Variants in CELF4 observed in about 807,000 individuals in gnomAD.
CELF4 encodes the protein CUGBP Elav-like family member 4, also known as CUG-BP- and ETR-3-like factor 4.
CELF4 carries 18 observed loss-of-function variants against 59.9 expected under a neutral mutation model. The ratio of observed to expected loss-of-function variants is 0.30; its 90% CI spans 0.21 to 0.45. The LOEUF is 0.45. Among genes scored for constraint, CELF4 ranks in the 20% least tolerant of loss-of-function variants. CELF4 has a pLI of 1.00. For missense variants in CELF4, 456 were observed against 689.0 expected (o/e 0.66, Z 3.79); for synonymous variants, 261 against 267.1 (o/e 0.98, Z 0.22).
chr18:37,325,258 G>C (rs534163609), intron 2 of CELF4, among the ~76,000 whole-genome samples: 13 of 152,176 alleles, frequency 8.5e-5, no homozygotes, highest in Admixed American at 4.6e-4. Flanking sequence ...TCCTGTGTGG[G>C]AGGAAGGCTG....
At chr18:37,564,470 G>C (rs1028374557) in intron 1 of CELF4, among the ~76,000 whole-genome samples, 1 of 152,094 alleles carries the variant, frequency 6.6e-6, no homozygotes, top group African/African-American at 2.4e-5. Context: ...TGATTATTCT[G>C]TCTCCCCCTC....
chr18:37,289,266 T>C (rs1786079), intron 3 of CELF4, among the ~76,000 whole-genome samples: 83,714 of 151,466 alleles, frequency 0.55, 25,147 homozygotes, highest in African/African-American at 0.8. Context: ...GGCCACAGGA[T>C]ACTGAGGTCA....
chr18:37,502,466 T>G (rs972611622), intron 1 of CELF4, among the ~76,000 whole-genome samples: 9 of 152,058 alleles, frequency 5.9e-5, no homozygotes, highest in Non-Finnish European at 1.2e-4. Context: ...TTCTTTATTT[T>G]TCAAAAAGGA....
At chr18:37,403,191 A>T (rs1464780182) in intron 2 of CELF4, among the ~76,000 whole-genome samples, 1 of 152,040 alleles carries the variant, frequency 6.6e-6, no homozygotes, top group Non-Finnish European at 1.5e-5. Flanking sequence ...GCCAGCCAGC[A>T]GTCCTCATTG....
At chr18:37,304,878 G>A (rs1028765330) in intron 3 of CELF4, among the ~76,000 whole-genome samples, 1 of 152,242 alleles carries the variant, frequency 6.6e-6, no homozygotes, top group Admixed American at 6.5e-5. Flanking sequence ...GGGTCCAGAA[G>A]GGAGGGGGAG....
chr18:37,253,702 G>A lies in CELF4; in HGVS notation c.*44+65C>T, dbSNP rs1031728120. 3.9e-6 allele frequency: 5 copies of A among 1,279,438 alleles called. No homozygotes were observed. The highest frequency in any genetic ancestry group is 5.2e-6 in the Non-Finnish European group (5 of 955,448). The allele number at this position is 1,279,438 out of a possible 1,614,324, so 79.3% of individuals were successfully genotyped here. On this transcript the variant is annotated intron_variant, in intron 12 of 12. Transcript: ENST00000420428. The surrounding 1 kb of genome is among the most constrained non-coding windows in gnomAD (Gnocchi z 4.5). The stretch of plus-strand genomic sequence containing the variant: ...AGGGTCCGGCCCACGGAGGCCGGAG[G>A]AGGCGGCGGGTCCGTCTGGTTCCCT...
chr18:37,518,195 C>A (rs1261435820), intron 1 of CELF4, among the ~76,000 whole-genome samples: 1 of 152,184 alleles, frequency 6.6e-6, no homozygotes, highest in African/African-American at 2.4e-5. Context: ...TCCCTGGCTT[C>A]TCACTGCTGG....
intron 2 of CELF4, among the ~76,000 whole-genome samples, chr18:37,454,464 C>T (rs1164931561): frequency 6.6e-6 from 1 of 152,138 alleles, no homozygotes; most frequent in Admixed American, 6.5e-5. Flanking sequence ...TTACAGGTAG[C>T]CCCCACATGG....
At chr18:37,483,791 C>G (rs961318723) in intron 2 of CELF4, among the ~76,000 whole-genome samples, 1 of 152,226 alleles carries the variant, frequency 6.6e-6, no homozygotes, top group Non-Finnish European at 1.5e-5. Context: ...TTGATTGCTT[C>G]TGAGAAACCA....
At chr18:37,294,711 A>T (rs750731109) in intron 3 of CELF4, among the ~76,000 whole-genome samples, 1 of 152,218 alleles carries the variant, frequency 6.6e-6, no homozygotes, top group Non-Finnish European at 1.5e-5. Context: ...CAGTGTCTCA[A>T]GTGACCTGCA....
intron 1 of CELF4, among the ~76,000 whole-genome samples, chr18:37,551,040 G>T (rs1286594133): frequency 2.6e-5 from 4 of 152,168 alleles, no homozygotes; most frequent in African/African-American, 4.8e-5. Context: ...GTCCTGGTTT[G>T]GTGGCCTGGG....
chr18:37,413,527 C>T (rs2099493951), intron 2 of CELF4, among the ~76,000 whole-genome samples: 1 of 152,170 alleles, frequency 6.6e-6, no homozygotes. Context: ...TCCTCCATGC[C>T]CTCCACTCCT....
rs114384393 is a variant in CELF4, at chr18:37,369,693, A to T, written c.370-47812T>A. Among the ~76,000 whole-genome samples, 797 of 152,342 alleles carry T rather than the reference A, an allele frequency of 5.2e-3. 10 individuals are homozygous for T. The highest frequency in any genetic ancestry group is 0.019 in the African/African-American group (773 of 41,570). ...ATGGCTTCCCAGTGCCAAAGAATTA[A>T]CTTTAAATCCTATGGACTGGAATTC... On this transcript the variant is annotated intron_variant, in intron 2 of 12. Transcript: ENST00000420428.
At chr18:37,537,863 T>C (rs867290584) in intron 1 of CELF4, among the ~76,000 whole-genome samples, 1 of 152,248 alleles carries the variant, frequency 6.6e-6, no homozygotes, top group African/African-American at 2.4e-5. Flanking sequence ...GCCTGCCTCC[T>C]TGGAGCCCTA....
rs546790358 is a variant in CELF4, at chr18:37,445,443, C to G, written c.369+40082G>C. ...GGTGTCTGGGGCCTGCAGCTGGGGTCTGGGGTCGGTAGTCACAGTGCTGGC... is the reference window on the plus strand; with the variant it reads ...GGTGTCTGGGGCCTGCAGCTGGGGTGTGGGGTCGGTAGTCACAGTGCTGGC... On this transcript the variant is annotated intron_variant, in intron 2 of 12. Transcript: ENST00000420428. Among the ~76,000 whole-genome samples, 10 of 151,928 alleles carry G rather than the reference C, an allele frequency of 6.6e-5. No homozygotes were observed. In the East Asian group the frequency reaches 1.6e-3, roughly 24 times the overall value.
intron 2 of CELF4, among the ~76,000 whole-genome samples, chr18:37,449,628 G>A (rs566171099): frequency 1.1e-4 from 16 of 152,252 alleles, no homozygotes; most frequent in African/African-American, 3.4e-4. Flanking sequence ...CTGGTTGGAC[G>A]GTCACAGAAA....
chr18:37,265,116 T>G (rs9951635), intron 9 of CELF4, among the ~76,000 whole-genome samples: 80 of 151,220 alleles, frequency 5.3e-4, no homozygotes, highest in African/African-American at 1.9e-3. Context: ...TGTGTGGGTG[T>G]GTGTGTACAT....
At chr18:37,336,591 G>T (rs1200874011) in intron 2 of CELF4, among the ~76,000 whole-genome samples, 1 of 152,202 alleles carries the variant, frequency 6.6e-6, no homozygotes, top group Non-Finnish European at 1.5e-5. Flanking sequence ...ATGAGGGAGT[G>T]GCTGGGGTCA....
At chr18:37,477,482 G>T (rs2099853360) in intron 2 of CELF4, among the ~76,000 whole-genome samples, 1 of 152,148 alleles carries the variant, frequency 6.6e-6, no homozygotes, top group South Asian at 2.1e-4. Context: ...AAGCCTGGGT[G>T]GTTTGCAGGT....
Sources: allele counts gnomAD v4.1 joint callset (sites outside exome capture counted in the v4.1 genomes callset), GRCh38; gene constraint gnomAD v4.1.1; non-coding constraint Gnocchi (gnomAD v3.1); transcripts MANE v1.5; gene names NCBI Gene and HGNC (gene_info 2026-07-23, HGNC 2026-07-21).